The following CLVS1 variants were observed in gnomAD, a reference collection of about 807,000 sequenced individuals.
CLVS1 encodes the protein clavesin 1.
A neutral mutation model predicts 33.1 loss-of-function variants in CLVS1; 10 were observed. The ratio of observed to expected loss-of-function variants is 0.30; its 90% confidence interval spans 0.19 to 0.51. The LOEUF is 0.51. Ranked by LOEUF, CLVS1 falls within the 20% of genes least tolerant of loss-of-function variation. CLVS1 has a pLI of 0.97. For missense variants in CLVS1, 343 were observed against 433.4 expected (o/e 0.79, Z 1.85); for synonymous variants, 163 against 166.1 (o/e 0.98, Z 0.14).
At chr8:61,476,766 T>C (rs916782381) in intron 5 of CLVS1, among the ~76,000 whole-genome samples, 4 of 152,178 alleles carry the variant, frequency 2.6e-5, no homozygotes, top group Admixed American at 6.5e-5. Flanking sequence ...GACTTCTTCT[T>C]TTCCTAATTG....
chr8:61,279,886 T>C (rs1469804665), intron 2 of CLVS1, among the ~76,000 whole-genome samples: 3 of 152,232 alleles, frequency 2.0e-5, no homozygotes, highest in Non-Finnish European at 4.4e-5. Context: ...TGATTAATTG[T>C]CATTAGGAGA....
the CLVS1 span, among the ~76,000 whole-genome samples, chr8:60,990,713 G>GTT: frequency 9.4e-4 from 133 of 141,798 alleles, 1 homozygote; most frequent in East Asian, 4.4e-3. Context: ...GGTTTTTTTT[G>GTT]TTTTTTTTTT....
upstream of CLVS1, among the ~76,000 whole-genome samples, chr8:61,055,552 T>G (rs571017646): frequency 6.6e-6 from 1 of 152,360 alleles, no homozygotes; most frequent in South Asian, 2.1e-4. Context: ...TGAATTCTCC[T>G]TTCTAAATCA....
chr8:61,292,869 G>GC (rs1015165188), intron 1 of CLVS1, among the ~76,000 whole-genome samples: 5 of 152,080 alleles, frequency 3.3e-5, no homozygotes, highest in Admixed American at 3.3e-4. Flanking sequence ...TGCATTATTT[G>GC]CCCCAAAGAA....
chr8:61,398,255 C>T (rs148021896), intron 3 of CLVS1, among the ~76,000 whole-genome samples: 121 of 147,240 alleles, frequency 8.2e-4, no homozygotes, highest in Middle Eastern at 3.5e-3. Flanking sequence ...GATCATGGCT[C>T]ACTGCAGCCT....
the CLVS1 span, among the ~76,000 whole-genome samples, chr8:61,021,460 C>T: frequency 6.6e-6 from 1 of 152,158 alleles, no homozygotes; most frequent in Non-Finnish European, 1.5e-5. Flanking sequence ...AAGCGATTCC[C>T]TTGCCTCAGC....
At chr8:61,233,984 G>A (rs918222474) in intron 2 of CLVS1, among the ~76,000 whole-genome samples, 1 of 152,244 alleles carries the variant, frequency 6.6e-6, no homozygotes, top group Admixed American at 6.5e-5. Context: ...CCCTCAAAGA[G>A]AGAGGAAATG....
At chr8:61,418,912 G>A (rs1815545624) in intron 3 of CLVS1, among the ~76,000 whole-genome samples, 1 of 152,180 alleles carries the variant, frequency 6.6e-6, no homozygotes. Flanking sequence ...CCAACAATGT[G>A]AGGACCCAGG....
At chr8:61,118,606 T>C (rs1440260795) in intron 1 of CLVS1, among the ~76,000 whole-genome samples, 2 of 151,748 alleles carry the variant, frequency 1.3e-5, no homozygotes, top group Admixed American at 1.3e-4. Context: ...AACATCTTTA[T>C]TTCTGCCTTC....
the CLVS1 span, among the ~76,000 whole-genome samples, chr8:61,017,513 C>T: frequency 3.3e-5 from 5 of 152,212 alleles, no homozygotes; most frequent in East Asian, 3.8e-4. Context: ...CATGTTTTCT[C>T]GTGCCTGTTA....
chr8:61,500,339 A>AATG lies in CLVS1; in HGVS notation c.*799_*801dup. On this transcript the variant is annotated 3_prime_UTR_variant, in exon 6 of 6. Transcript: ENST00000325897. The stretch of plus-strand genomic sequence containing the variant: ...TCATGAAAATCACATGTCAGTGATT[A>AATG]ATGAATCCATTCCAGTTGCCTCAAC... 1 of 152,310 alleles carries AATG rather than the reference A, an allele frequency of 6.6e-6. No homozygotes were observed. Among genetic ancestry groups the AATG allele is most frequent in the Non-Finnish European group, 1.5e-5 (1 of 68,018 alleles). 9.4% of individuals were successfully genotyped at this position (152,310 alleles called of 1,614,324 possible). A position where few individuals can be genotyped will look rare whatever the true frequency, so the allele number is the denominator to read the frequency against.
intron 2 of CLVS1, among the ~76,000 whole-genome samples, chr8:61,230,672 C>T (rs1049436274): frequency 4.6e-5 from 7 of 152,180 alleles, no homozygotes; most frequent in African/African-American, 1.7e-4. Flanking sequence ...GCTCATCACT[C>T]AAGCTTCCTA....
At chr8:61,149,970 G>A (rs940203309) in intron 2 of CLVS1, among the ~76,000 whole-genome samples, 6 of 152,164 alleles carry the variant, frequency 3.9e-5, no homozygotes, top group African/African-American at 7.2e-5. Flanking sequence ...ACATAGCTGC[G>A]GGTGAGGGGA....
chr8:61,229,068 C>CT (rs1563453865), intron 2 of CLVS1, among the ~76,000 whole-genome samples: 1 of 152,178 alleles, frequency 6.6e-6, no homozygotes, highest in African/African-American at 2.4e-5. Flanking sequence ...TACCTTACAT[C>CT]TTTTTTGATG....
At chr8:61,378,532 G>A (rs1317736202) in intron 3 of CLVS1, among the ~76,000 whole-genome samples, 3 of 152,200 alleles carry the variant, frequency 2.0e-5, no homozygotes, top group Non-Finnish European at 2.9e-5. Context: ...GGTCCAAGAC[G>A]AATTTCATAA....
chr8:61,456,867 G>A (rs1192030767), intron 4 of CLVS1, among the ~76,000 whole-genome samples: 3 of 150,052 alleles, frequency 2.0e-5, no homozygotes, highest in African/African-American at 4.9e-5. Flanking sequence ...GCAGTGAGCC[G>A]AGATTGCACC....
At position 61,499,088 on chromosome 8, in the gene CLVS1, C is replaced by A. The variant is rs533562172; in HGVS notation, c.978-367C>A. ...TCCAGTACTCCAAAATGCTTTTTTGCCGTAAAAATGTGGTTTAGCAAGCAA... is the reference window on the plus strand; with the variant it reads ...TCCAGTACTCCAAAATGCTTTTTTGACGTAAAAATGTGGTTTAGCAAGCAA... On this transcript the variant is annotated intron_variant, in intron 5 of 5. Transcript: ENST00000325897. Among the ~76,000 whole-genome samples, 84 of 152,160 alleles carry A rather than the reference C, an allele frequency of 5.5e-4. 1 individual carries two copies. The Middle Eastern group carries it at 0.027, about 49-fold the overall frequency.
intron 5 of CLVS1, among the ~76,000 whole-genome samples, chr8:61,497,585 C>T (rs1804312863): frequency 1.3e-5 from 2 of 152,062 alleles, no homozygotes; most frequent in African/African-American, 4.8e-5. Context: ...CAGGGGTTTC[C>T]TCAGTATTGT....
At chr8:61,255,034 G>A (rs933226482) in intron 2 of CLVS1, among the ~76,000 whole-genome samples, 32 of 152,048 alleles carry the variant, frequency 2.1e-4, no homozygotes, top group African/African-American at 5.6e-4. Flanking sequence ...GTTCCTATTC[G>A]GCCATCTTGG....
Sources: allele counts gnomAD v4.1 joint callset (sites outside exome capture counted in the v4.1 genomes callset), GRCh38; gene constraint gnomAD v4.1.1; transcripts MANE v1.5; gene names NCBI Gene and HGNC (gene_info 2026-07-23, HGNC 2026-07-21).